The following TTC7A variants were observed in gnomAD, a reference collection of about 807,000 sequenced individuals.
TTC7A encodes the protein tetratricopeptide repeat domain 7A, also known as tetratricopeptide repeat protein 7A.
Under a neutral mutation model 103.7 loss-of-function variants are expected in TTC7A, and 110 were observed. The observed-to-expected ratio is 1.06, with a 90% confidence interval of 0.91 to 1.24. The LOEUF (loss-of-function observed/expected upper bound fraction) is 1.24, where lower values mean the gene tolerates loss of function less well. Ranked by LOEUF, TTC7A falls within the 50% of genes most tolerant of loss-of-function variation. The pLI, the probability that TTC7A is intolerant of heterozygous loss-of-function variation, is 0.00. For synonymous variants in TTC7A, 521 were observed against 467.9 expected, an observed-to-expected ratio of 1.11 and a Z score of -1.47; for missense variants, 1,340 against 1,116.3, an observed-to-expected ratio of 1.20 and a Z score of -2.86.
intron 15 of TTC7A, chr2:47,035,555 C>T (rs1438895971): frequency 6.6e-6 from 1 of 152,188 alleles, no homozygotes; most frequent in East Asian, 1.9e-4. Context: ...AGTTGATGGT[C>T]ATCATTCTCC....
chr2:46,991,570 T>C (rs1381962702), intron 5 of TTC7A, among the ~76,000 whole-genome samples: 1 of 152,164 alleles, frequency 6.6e-6, no homozygotes, highest in Admixed American at 6.5e-5. Flanking sequence ...TAAAAAATAC[T>C]TCTGTTATTT....
At chr2:47,030,226 C>G (rs1680384804) in intron 15 of TTC7A, among the ~76,000 whole-genome samples, 1 of 152,218 alleles carries the variant, frequency 6.6e-6, no homozygotes, top group African/African-American at 2.4e-5. Flanking sequence ...AAGGAAGAAG[C>G]TAGAGTCCTG....
At chr2:47,064,507 C>T (rs1684032258) in intron 19 of TTC7A, among the ~76,000 whole-genome samples, 2 of 152,196 alleles carry the variant, frequency 1.3e-5, no homozygotes, top group African/African-American at 2.4e-5. Context: ...GCGCAGGAGT[C>T]GCTGGTTGAC....
chr2:46,925,265 A>C (rs1669327168), intron 2 of TTC7A, among the ~76,000 whole-genome samples: 1 of 152,140 alleles, frequency 6.6e-6, no homozygotes, highest in African/African-American at 2.4e-5. Context: ...TGTTTTTTTA[A>C]CAATATGTTG....
chr2:46,968,004 G>A (rs1350581808), intron 3 of TTC7A, among the ~76,000 whole-genome samples: 1 of 152,118 alleles, frequency 6.6e-6, no homozygotes, highest in African/African-American at 2.4e-5. Context: ...TGGGTAGGTG[G>A]GAGGGAAGGG....
At chr2:47,002,641 C>T (rs1676943207) in intron 8 of TTC7A, among the ~76,000 whole-genome samples, 1 of 152,062 alleles carries the variant, frequency 6.6e-6, no homozygotes, top group African/African-American at 2.4e-5. Flanking sequence ...GTGTCTGAGG[C>T]CCTGGCCTCA....
intron 19 of TTC7A, among the ~76,000 whole-genome samples, chr2:47,065,159 C>T (rs2570512): frequency 0.67 from 102,528 of 151,974 alleles, 35,866 homozygotes; most frequent in East Asian, 0.88. Context: ...TGGTGGTGGG[C>T]GCCTGTAGTC....
At chr2:47,005,233 AG>A (rs534817145) in intron 8 of TTC7A, among the ~76,000 whole-genome samples, 7 of 149,912 alleles carry the variant, frequency 4.7e-5, no homozygotes, top group Non-Finnish European at 7.4e-5. Flanking sequence ...AGAGGAAGGG[AG>A]GGGGGGGCTC....
chr2:47,014,965 T>C (rs902732184), intron 11 of TTC7A, among the ~76,000 whole-genome samples: 7 of 152,216 alleles, frequency 4.6e-5, no homozygotes, highest in African/African-American at 1.7e-4. Flanking sequence ...TCTTGGGGAT[T>C]GTGGCAGGCA....
At chr2:46,986,513 G>T (rs938272217) in intron 5 of TTC7A, among the ~76,000 whole-genome samples, 1 of 152,152 alleles carries the variant, frequency 6.6e-6, no homozygotes, top group Non-Finnish European at 1.5e-5. Context: ...TCTGTGCTGG[G>T]GGGGAAAGAG....
chr2:47,001,217 T>C (rs1676768365), intron 8 of TTC7A, among the ~76,000 whole-genome samples: 1 of 152,152 alleles, frequency 6.6e-6, no homozygotes, highest in Non-Finnish European at 1.5e-5. Context: ...TGTCCAGGGT[T>C]AGAGAGGAGA....
At chr2:46,919,184 C>G (rs1240035657) in intron 2 of TTC7A, among the ~76,000 whole-genome samples, 1 of 152,156 alleles carries the variant, frequency 6.6e-6, no homozygotes, top group African/African-American at 2.4e-5. Flanking sequence ...ATGTTGTAAA[C>G]TACATATTAC....
At chr2:47,061,033 C>G in intron 19 of TTC7A, 62 bp downstream of exon 19, 6 of 1,481,600 alleles carry the variant, frequency 4.0e-6, no homozygotes, top group Non-Finnish European at 4.5e-6. Context: ...CCTTATCCCG[C>G]TTTGTCCCTC....
At position 47,052,263 on chromosome 2, in the gene TTC7A, C is replaced by T. The variant is rs74628485; in HGVS notation, c.2152+383C>T. Among the ~76,000 whole-genome samples the T allele has an allele frequency of 5.7e-3, 870 of 152,306 alleles. 7 individuals are homozygous for T. The highest frequency in any genetic ancestry group is 0.02 in the African/African-American group (826 of 41,566). On this transcript the variant is annotated intron_variant, in intron 18 of 19. Coordinates refer to ENST00000319190, the MANE Select transcript of TTC7A (RefSeq NM_020458.4). ...TTGAAGATGGAGGAAAGACTGGTAA[C>T]TTTGAGGTTGCCATTCAGGTGACAG...
intron 2 of TTC7A, among the ~76,000 whole-genome samples, chr2:46,955,553 A>C (rs1189289227): frequency 6.6e-6 from 1 of 152,178 alleles, no homozygotes; most frequent in African/African-American, 2.4e-5. Context: ...AAAGGATAGA[A>C]GAGGACCTGG....
intron 3 of TTC7A, among the ~76,000 whole-genome samples, chr2:46,959,250 T>C (rs1473454867): frequency 6.6e-6 from 1 of 152,212 alleles, no homozygotes; most frequent in Non-Finnish European, 1.5e-5. Context: ...GTATTTGAAC[T>C]GGAGTCCTCC....
At chr2:47,058,663 T>G (rs1683516691) in intron 18 of TTC7A, among the ~76,000 whole-genome samples, 1 of 152,256 alleles carries the variant, frequency 6.6e-6, no homozygotes, top group African/African-American at 2.4e-5. Context: ...CTTCTGTGCC[T>G]TCAGCATAGG....
intron 3 of TTC7A, among the ~76,000 whole-genome samples, chr2:46,967,530 A>G (rs1022474179): frequency 6.6e-6 from 1 of 152,136 alleles, no homozygotes; most frequent in Non-Finnish European, 1.5e-5. Flanking sequence ...TGTCTGGCTC[A>G]TTTCACTTAG....
At position 47,006,039 on chromosome 2, in the gene TTC7A, C is replaced by G. The variant is rs556624885; in HGVS notation, c.1183C>G (p.Gln395Glu). 7 of 1,613,972 alleles carry G rather than the reference C, an allele frequency of 4.3e-6. No individual in the cohort carries two copies. In the Admixed American group the frequency reaches 6.7e-5, roughly 15 times the overall value. Residue 395 changes from glutamine to glutamate, a missense_variant, in exon 9 of 20, where the codon CAG becomes GAG. Physicochemically the swap from Gln to Glu is conservative, Grantham distance 29 (BLOSUM62 2). Transcript: ENST00000319190. Reference sequence around the variant, plus strand: ...GAGCATCACGTTGGGCAGAAGGGGACAGTACGTCATGCTCTCGGAGGTACG... The same window carrying G: ...GAGCATCACGTTGGGCAGAAGGGGAGAGTACGTCATGCTCTCGGAGGTACG... ...LLSITLGRRG[Q>E]YVMLSECLER...
Sources: allele counts gnomAD v4.1 joint callset (sites outside exome capture counted in the v4.1 genomes callset), GRCh38; gene constraint gnomAD v4.1.1; transcripts MANE v1.5; gene names NCBI Gene and HGNC (gene_info 2026-07-23, HGNC 2026-07-21).